OIP5: variants seen among roughly 807,000 people sequenced by gnomAD.
The protein encoded by OIP5 is protein Mis18-beta.
OIP5 carries 24 observed loss-of-function variants against 20.3 expected under a neutral mutation model. That is an observed-to-expected ratio of 1.18 (90% CI 0.86 to 1.66). The LOEUF is 1.66. Ranked by LOEUF, OIP5 falls within the 40% of genes most tolerant of loss-of-function variation. The pLI is 0.00. For missense variants in OIP5, 339 were observed against 289.5 expected (o/e 1.17, Z -1.24); for synonymous variants, 143 against 121.3 (o/e 1.18, Z -1.17).
At chr15:41,329,087 A>AC (rs2047880755) in intron 2 of OIP5, among the ~76,000 whole-genome samples, 2 of 149,348 alleles carry the variant, frequency 1.3e-5, no homozygotes, top group East Asian at 3.9e-4. Context: ...AAAAAAAAAA[A>AC]AAAAGAATAA....
rs757115076 is a variant in OIP5, at chr15:41,309,834, C to G, written c.610G>C (p.Val204Leu). The G allele has an allele frequency of 1.2e-6, 2 of 1,612,204 alleles. No individual in the cohort carries two copies. The highest frequency in any genetic ancestry group is 1.7e-5 in the Admixed American group (1 of 59,922). Residue 204 changes from valine to leucine, a missense_variant, in exon 5 of 5, where the codon GTG (valine) becomes CTG (leucine). Transcript: ENST00000220514. ...EKIAELKEKI[V>L]LTHNRLKSLM... ...GATTTTAAGCGATTGTGCGTTAGCA[C>G]TATCTTCTCTTTCAGCTAGGAAGAG...
rs1238056744 is a variant in OIP5 at position 41,330,422 on chromosome 15, T to TG, written c.389+1492_389+1493insC. On this transcript the variant is annotated intron_variant, in intron 2 of 4. Coordinates refer to ENST00000220514, the MANE Select transcript of OIP5 (RefSeq NM_007280.2). ...GCCGTAATCAGTATTTTTTTTTTTT[T>TG]TTTTTTGATACGGAGTCTGTCGCCC... 6.6e-4 allele frequency among the ~76,000 whole-genome samples: 99 copies of TG among 150,088 alleles called. 1 individual carries two copies. Among genetic ancestry groups the TG allele is most frequent in the African/African-American group, 2.3e-3 (94 of 40,842 alleles).
intron 3 of OIP5, 100 bp downstream of exon 3, chr15:41,319,558 T>C: frequency 2.4e-6 from 3 of 1,270,272 alleles, no homozygotes; most frequent in East Asian, 5.5e-5. Context: ...TCAGCCTACT[T>C]TGTCTTTCCT....
At chr15:41,326,716 G>A (rs1314370257) in intron 2 of OIP5, among the ~76,000 whole-genome samples, 4 of 152,136 alleles carry the variant, frequency 2.6e-5, no homozygotes, top group Non-Finnish European at 5.9e-5. Context: ...GTGAGCCACC[G>A]TGCCCGGCCC....
chr15:41,317,155 G>T (rs967855886), intron 3 of OIP5, among the ~76,000 whole-genome samples: 1 of 152,090 alleles, frequency 6.6e-6, no homozygotes. Flanking sequence ...GAGGCTACAT[G>T]ATCATTATTT....
chr15:41,310,233 A>T (rs1433097058), intron 4 of OIP5, among the ~76,000 whole-genome samples: 1 of 152,200 alleles, frequency 6.6e-6, no homozygotes, highest in Non-Finnish European at 1.5e-5. Context: ...AAGCTAGTTT[A>T]TATCTAGTAA....
chr15:41,320,608 G>A (rs1595501169), intron 2 of OIP5, among the ~76,000 whole-genome samples: 3 of 152,298 alleles, frequency 2.0e-5, no homozygotes, highest in African/African-American at 7.2e-5. Flanking sequence ...AGGCTGGAGT[G>A]CAGTGGCATG....
In OIP5 at chr15:41,332,410, C is replaced by T; in HGVS notation, c.152G>A (p.Gly51Asp). Residue 51 changes from glycine to aspartate, a missense_variant, in exon 1 of 5, where the codon GGC becomes GAC. By Grantham distance (94) the Gly-to-Asp change is moderately conservative (BLOSUM62 -1). Coordinates refer to ENST00000220514, the MANE Select transcript of OIP5 (RefSeq NM_007280.2). ...CTCCTCAGCCCCCAGCCCTGCGGGG[C>T]CGAGCGGCGAGGACCCCTTCACCAC... ...TQVVKGSSPL[G>D]PAGLGAEEPA... 13 of 1,613,936 alleles carry T rather than the reference C, an allele frequency of 8.1e-6. No homozygotes were observed. The highest frequency in any genetic ancestry group is 1.1e-5 in the Non-Finnish European group (13 of 1,179,886).
At chr15:41,314,593 G>C (rs1595499144) in intron 3 of OIP5, among the ~76,000 whole-genome samples, 1 of 151,254 alleles carries the variant, frequency 6.6e-6, no homozygotes, top group African/African-American at 2.4e-5. Flanking sequence ...CTTGACATCA[G>C]AAATTTGAGA....
intron 2 of OIP5, among the ~76,000 whole-genome samples, chr15:41,324,111 A>G (rs538931640): frequency 8.7e-5 from 13 of 149,104 alleles, no homozygotes; most frequent in Middle Eastern, 3.5e-3. Flanking sequence ...CTTCCTTCTC[A>G]GCCTCCCAAG....
At chr15:41,316,129 G>A (rs938834114) in intron 3 of OIP5, among the ~76,000 whole-genome samples, 6 of 146,852 alleles carry the variant, frequency 4.1e-5, no homozygotes, top group Admixed American at 6.8e-5. Context: ...GCAAGACTCC[G>A]TCTCAAAGAA....
At chr15:41,324,891 C>G (rs2047852182) in intron 2 of OIP5, among the ~76,000 whole-genome samples, 1 of 152,168 alleles carries the variant, frequency 6.6e-6, no homozygotes, top group African/African-American at 2.4e-5. Context: ...AGACTTGCAA[C>G]TTTTTCTTTC....
At chr15:41,324,316 C>A (rs1435898731) in intron 2 of OIP5, among the ~76,000 whole-genome samples, 1 of 151,762 alleles carries the variant, frequency 6.6e-6, no homozygotes, top group Admixed American at 6.6e-5. Context: ...CTCTAAACTT[C>A]TTCTGCAGCT....
intron 3 of OIP5, among the ~76,000 whole-genome samples, chr15:41,316,619 T>C (rs2047790013): frequency 6.6e-6 from 1 of 151,580 alleles, no homozygotes; most frequent in Admixed American, 6.6e-5. Context: ...TGAAACCCCG[T>C]CTCTACTAAA....
chr15:41,328,639 T>A (rs558181766), intron 2 of OIP5, among the ~76,000 whole-genome samples: 1 of 152,218 alleles, frequency 6.6e-6, no homozygotes, highest in Admixed American at 6.5e-5. Flanking sequence ...GTCTACTTTA[T>A]GACTTTGAAT....
intron 4 of OIP5, among the ~76,000 whole-genome samples, chr15:41,312,671 C>G (rs1181896675): frequency 6.7e-6 from 1 of 150,278 alleles, no homozygotes; most frequent in African/African-American, 2.5e-5. Flanking sequence ...GCTCTGTTGC[C>G]CAGGCTGGAA....
Position 41,332,548 on chromosome 15 carries a change from G to GGCTGAGCCGCCATCTTCCCGCAGCC in OIP5, c.-12_13dup (p.Pro5ArgfsTer29). 6.2e-7 allele frequency: 1 copy of GGCTGAGCCGCCATCTTCCCGCAGCC among 1,603,442 alleles called. No individual in the cohort carries two copies. Among genetic ancestry groups the GGCTGAGCCGCCATCTTCCCGCAGCC allele is most frequent in the Non-Finnish European group, 8.5e-7 (1 of 1,175,566 alleles). ...TGCACAACGTGAGCGATGCCGCAGC[G>GGCTGAGCCGCCATCTTCCCGCAGCC]GCTGAGCCGCCATCTTCCCGCAGCC... On this transcript the variant is annotated frameshift_variant, in exon 1 of 5. Transcript: ENST00000220514. LOFTEE classifies it high-confidence loss of function.
intron 2 of OIP5, among the ~76,000 whole-genome samples, chr15:41,329,119 T>C (rs1034754444): frequency 1.2e-4 from 18 of 149,056 alleles, no homozygotes; most frequent in East Asian, 4.0e-4. Context: ...GTCTGCTGTC[T>C]CTAAAATTTA....
At chr15:41,310,631 A>G (rs904253009) in intron 4 of OIP5, among the ~76,000 whole-genome samples, 1 of 151,104 alleles carries the variant, frequency 6.6e-6, no homozygotes, top group Non-Finnish European at 1.5e-5. Flanking sequence ...TCCGTCTCAA[A>G]AAAAAAAAAA....
Sources: gnomAD v4.1 joint callset for allele counts (sites outside exome capture counted in the v4.1 genomes callset) on GRCh38, gnomAD v4.1.1 for gene constraint, MANE v1.5 for transcripts, NCBI Gene and HGNC (gene_info 2026-07-23, HGNC 2026-07-21) for gene names.